Variants in NSL1 observed in about 807,000 individuals in gnomAD.
The protein encoded by NSL1 is kinetochore-associated protein NSL1 homolog.
NSL1 carries 11 observed loss-of-function variants against 25.4 expected under a neutral mutation model. The observed-to-expected ratio is 0.43, with a 90% CI of 0.27 to 0.72. The LOEUF is 0.72. NSL1 is among the 30% of genes least tolerant of loss of function. The probability of loss-of-function intolerance (pLI) is 0.19; values close to 1 mark genes in which losing one functional copy is unlikely to be tolerated. For synonymous variants in NSL1, 118 were observed against 120.6 expected, an observed-to-expected ratio of 0.98 and a Z score of 0.14; for missense variants, 330 against 342.7, an observed-to-expected ratio of 0.96 and a Z score of 0.29.
chr1:212,776,818 T>G (rs923370340), intron 4 of NSL1, among the ~76,000 whole-genome samples: 1 of 151,906 alleles, frequency 6.6e-6, no homozygotes, highest in African/African-American at 2.4e-5. Context: ...AAGTTCTACA[T>G]GTCAATGCTT....
intron 4 of NSL1, among the ~76,000 whole-genome samples, chr1:212,745,503 C>A (rs186615226): frequency 6.4e-4 from 97 of 152,178 alleles, no homozygotes; most frequent in African/African-American, 1.8e-3. Flanking sequence ...CATCCTCAAT[C>A]AGATTAACAG....
At chr1:212,768,981 G>A (rs1459016416) in intron 4 of NSL1, among the ~76,000 whole-genome samples, 1 of 152,080 alleles carries the variant, frequency 6.6e-6, no homozygotes, top group Non-Finnish European at 1.5e-5. Flanking sequence ...AGGAGGTGGA[G>A]GCTGCAGTAA....
intron 4 of NSL1, among the ~76,000 whole-genome samples, chr1:212,751,751 T>C (rs1659075943): frequency 6.6e-6 from 1 of 152,120 alleles, no homozygotes; most frequent in South Asian, 2.1e-4. Flanking sequence ...CAACTAAAAA[T>C]GGTCACTAAA....
Position 212,736,305 on chromosome 1 carries a change from T to C in NSL1, c.*2103A>G. Reference sequence around the variant, plus strand: ...TCCCAAAGTGCTGGGATTACAGGCATGAGCCCACCGCGCCTGGCTATTTCT... The same window carrying C: ...TCCCAAAGTGCTGGGATTACAGGCACGAGCCCACCGCGCCTGGCTATTTCT... On this transcript the variant is annotated 3_prime_UTR_variant, in exon 6 of 6. Coordinates refer to ENST00000366977, the MANE Select transcript of NSL1 (RefSeq NM_015471.4). 1.0e-6 allele frequency: 1 copy of C among 976,386 alleles called. No individual in the cohort carries two copies. The highest frequency in any genetic ancestry group is 4.7e-5 in the South Asian group (1 of 21,134). 60.5% of individuals were successfully genotyped at this position (976,386 alleles called of 1,614,324 possible). A position where few individuals can be genotyped will look rare whatever the true frequency, so the allele number is the denominator to read the frequency against.
chr1:212,754,450 G>A (rs1409470865), intron 4 of NSL1, among the ~76,000 whole-genome samples: 2 of 152,144 alleles, frequency 1.3e-5, no homozygotes, highest in East Asian at 3.9e-4. Flanking sequence ...CTGAGACAGA[G>A]TTTACCCACC....
In NSL1 at chr1:212,732,176, CTTA is replaced by C. The variant is rs927344679; in HGVS notation, c.*6229_*6231del. 23 of 984,782 alleles carry C rather than the reference CTTA, an allele frequency of 2.3e-5. No homozygotes were observed. Among genetic ancestry groups the C allele is most frequent in the African/African-American group, 1.4e-4 (8 of 57,280 alleles). 61.0% of individuals were successfully genotyped at this position (984,782 alleles called of 1,614,324 possible). A position where few individuals can be genotyped will look rare whatever the true frequency, so the allele number is the denominator to read the frequency against. On this transcript the variant is annotated 3_prime_UTR_variant, in exon 6 of 6. Coordinates refer to ENST00000366977, the MANE Select transcript of NSL1 (RefSeq NM_015471.4). ...TGCCTCTACTGTAGTGAATAACTGC[CTTA>C]TTTTTTGTTTCTTTGAACATCTTAA... is the stretch of plus-strand genomic sequence containing the variant.
chr1:212,749,793 T>C (rs1658979423), intron 4 of NSL1, among the ~76,000 whole-genome samples: 1 of 151,836 alleles, frequency 6.6e-6, no homozygotes, highest in Non-Finnish European at 1.5e-5. Context: ...GCAATGACAA[T>C]GTAAAAAGTG....
rs188850201 is a variant in NSL1, at chr1:212,753,580, T to A, written c.500-13979A>T. ...AATATAAACTCTATAGAGTAAGAAC[T>A]TTGTGCTGCTCACTAATATTACATC... On this transcript the variant is annotated intron_variant, in intron 4 of 5. Coordinates refer to ENST00000366977, the MANE Select transcript of NSL1 (RefSeq NM_015471.4). 8.3e-4 allele frequency among the ~76,000 whole-genome samples: 126 copies of A among 152,328 alleles called. 1 individual carries two copies. The highest frequency in any genetic ancestry group is 3.1e-3 in the Admixed American group (47 of 15,300).
In NSL1 at chr1:212,737,173, G is replaced by T. The variant is rs1172767953; in HGVS notation, c.*1235C>A. On this transcript the variant is annotated 3_prime_UTR_variant, in exon 6 of 6. Transcript: ENST00000366977. ...ATACACAGCATCAAGATCAGTCTTT[G>T]TACATTATTTCAATGAAAAACACAT... is the stretch of plus-strand genomic sequence containing the variant. 55 of 985,076 alleles carry T rather than the reference G, an allele frequency of 5.6e-5. No individual in the cohort carries two copies. Among genetic ancestry groups the T allele is most frequent in the Non-Finnish European group, 6.5e-5 (54 of 829,750 alleles). 61.0% of individuals were successfully genotyped at this position (985,076 alleles called of 1,614,324 possible).
At position 212,736,867 on chromosome 1, in the gene NSL1, C is replaced by T. The variant is rs182440697; in HGVS notation, c.*1541G>A. ...AAAAACTCTATGTAGCACAATATAC[C>T]TCTCTTAAAAGGGAGGGACCATGTT... On this transcript the variant is annotated 3_prime_UTR_variant, in exon 6 of 6. Coordinates refer to ENST00000366977, the MANE Select transcript of NSL1 (RefSeq NM_015471.4). 6.4e-5 allele frequency: 63 copies of T among 985,232 alleles called. No homozygotes were observed. Among genetic ancestry groups the T allele is most frequent in the Non-Finnish European group, 7.6e-5 (63 of 829,794 alleles). 61.0% of individuals were successfully genotyped at this position (985,232 alleles called of 1,614,324 possible). A position where few individuals can be genotyped will look rare whatever the true frequency, so the allele number is the denominator to read the frequency against.
At chr1:212,766,511 G>T (rs1003637729) in intron 4 of NSL1, among the ~76,000 whole-genome samples, 1 of 151,882 alleles carries the variant, frequency 6.6e-6, no homozygotes, top group African/African-American at 2.4e-5. Flanking sequence ...CAGGCATGGT[G>T]GCAGGCGCCT....
At chr1:212,772,452 G>C (rs1161294265) in intron 4 of NSL1, among the ~76,000 whole-genome samples, 1 of 151,984 alleles carries the variant, frequency 6.6e-6, no homozygotes, top group Non-Finnish European at 1.5e-5. Context: ...TTGAGGTCAG[G>C]AGTTCAAGAC....
At position 212,738,339 on chromosome 1, in the gene NSL1, G is replaced by T; in HGVS notation, c.*69C>A. On this transcript the variant is annotated 3_prime_UTR_variant, in exon 6 of 6. Transcript: ENST00000366977. ...TTATTTCAAATGAAGTCTTATCTAG[G>T]TATTAATTAGGCTGTAATCTAAATG... The T allele has an allele frequency of 6.5e-7, 1 of 1,533,684 alleles. No individual in the cohort carries two copies.
At chr1:212,742,249 T>C (rs1320698186) in intron 4 of NSL1, among the ~76,000 whole-genome samples, 1 of 152,182 alleles carries the variant, frequency 6.6e-6, no homozygotes, top group East Asian at 1.9e-4. Flanking sequence ...TGCCTACTTA[T>C]AATGAGTAAG....
intron 4 of NSL1, 67 bp from the exon 5 acceptor site, chr1:212,739,668 A>C: frequency 6.7e-7 from 1 of 1,493,472 alleles, no homozygotes; most frequent in Non-Finnish European, 9.2e-7. Context: ...AGGCATATAG[A>C]TACTATCTGA....
Position 212,734,681 on chromosome 1 carries a change from A to G in NSL1, c.*3727T>C, listed in dbSNP as rs1038308611. On this transcript the variant is annotated 3_prime_UTR_variant, in exon 6 of 6. Coordinates refer to ENST00000366977, the MANE Select transcript of NSL1 (RefSeq NM_015471.4). ...TATAGTATCTTTGATATTGATCCAC[A>G]TTGTTATAACAGTAATTTGTTCTTT... 1.3e-5 allele frequency among the ~76,000 whole-genome samples: 2 copies of G among 152,134 alleles called. No individual in the cohort carries two copies. The highest frequency in any genetic ancestry group is 2.9e-5 in the Non-Finnish European group (2 of 68,032).
intron 4 of NSL1, among the ~76,000 whole-genome samples, chr1:212,775,455 T>C (rs761399145): frequency 6.6e-6 from 1 of 152,174 alleles, no homozygotes; most frequent in Non-Finnish European, 1.5e-5. Flanking sequence ...AATGATGTAA[T>C]AGATTCAGTA....
chr1:212,769,857 A>AAT (rs1404773379), intron 4 of NSL1, among the ~76,000 whole-genome samples: 1 of 152,192 alleles, frequency 6.6e-6, no homozygotes, highest in Non-Finnish European at 1.5e-5. Flanking sequence ...TATCAATAAT[A>AAT]ATAACCTTGA....
In NSL1 at chr1:212,729,568, A is replaced by T; in HGVS notation, c.*8840T>A. The T allele has an allele frequency of 1.0e-6, 1 of 985,386 alleles. No individual in the cohort carries two copies. The highest frequency in any genetic ancestry group is 1.2e-6 in the Non-Finnish European group (1 of 829,932). 61.0% of individuals were successfully genotyped at this position (985,386 alleles called of 1,614,324 possible). A position where few individuals can be genotyped will look rare whatever the true frequency, so the allele number is the denominator to read the frequency against. ...CCATTTTTATTATTCTGCCAGTGTC[A>T]TCCCCTCATTTCTACACTTCCTCAG... On this transcript the variant is annotated 3_prime_UTR_variant, in exon 6 of 6. Coordinates refer to ENST00000366977, the MANE Select transcript of NSL1 (RefSeq NM_015471.4).
Sources: gnomAD v4.1 joint callset for allele counts (sites outside exome capture counted in the v4.1 genomes callset) on GRCh38, gnomAD v4.1.1 for gene constraint, MANE v1.5 for transcripts, NCBI Gene and HGNC (gene_info 2026-07-23, HGNC 2026-07-21) for gene names.